The following ANK3 variants were observed in gnomAD, a reference collection of about 807,000 sequenced individuals.
ANK3 encodes ankyrin-3.
A neutral mutation model predicts 370.9 loss-of-function variants in ANK3; 57 were observed. The observed-to-expected ratio is 0.15, with a 90% CI of 0.12 to 0.19. The LOEUF (loss-of-function observed/expected upper bound fraction) is 0.19. Among genes scored for constraint, ANK3 ranks in the 10% least tolerant of loss-of-function variants. The pLI is 1.00. For synonymous variants in ANK3, 1,929 were observed against 1,946.3 expected (o/e 0.99, Z 0.23); for missense variants, 4,439 against 5,302.1 (o/e 0.84, Z 5.06).
In ANK3 at chr10:60,346,937, T is replaced by C. The variant is rs147212089; in HGVS notation, c.114+42488A>G. Among the ~76,000 whole-genome samples, 42 of 127,472 alleles carry C rather than the reference T, an allele frequency of 3.3e-4. No individual in the cohort carries two copies. In the East Asian group the frequency reaches 6.8e-3, roughly 21 times the overall value. 83.6% of individuals were successfully genotyped at this position (127,472 alleles called of 152,430 possible). ...TAGGCCCTGATATTCTATCTTTTAT[T>C]GTTTCCTAATGATTTCATACATAAG... is the stretch of plus-strand genomic sequence containing the variant. On this transcript the variant is annotated intron_variant, in intron 1 of 43. Coordinates refer to ENST00000280772, the MANE Select transcript of ANK3 (RefSeq NM_020987.5).
chr10:60,695,308 T>G (rs1313515425), intron 1 of ANK3, among the ~76,000 whole-genome samples: 1 of 151,880 alleles, frequency 6.6e-6, no homozygotes, highest in African/African-American at 2.4e-5. Flanking sequence ...AATGGGAGAC[T>G]TTAACACCCC....
chr10:60,067,859 A>G lies in ANK3; in HGVS notation c.12319+76T>C, dbSNP rs1305258149. The G allele has an allele frequency of 1.2e-5, 14 of 1,177,314 alleles. No individual in the cohort carries two copies. The East Asian group carries it at 2.2e-4, about 18-fold the overall frequency. 72.9% of individuals were successfully genotyped at this position (1,177,314 alleles called of 1,614,324 possible). ...CTGCTTGTTTCTATTTTTAAAATAT[A>G]TATATTGAACTGCTTGTGAGTAAGA... On this transcript the variant is annotated intron_variant, in intron 38 of 43. Coordinates refer to ENST00000280772, the MANE Select transcript of ANK3 (RefSeq NM_020987.5).
chr10:60,591,083 G>T (rs2077903410), intron 2 of ANK3, among the ~76,000 whole-genome samples: 1 of 152,044 alleles, frequency 6.6e-6, no homozygotes, highest in African/African-American at 2.4e-5. Context: ...GTAGCAGCAG[G>T]TTATTCACAG....
In ANK3 at chr10:60,272,089, TTGTGTGTGTGTGTGTG is replaced by T. The variant is rs5785433; in HGVS notation, c.415-1876_415-1861del. On this transcript the variant is annotated intron_variant, in intron 4 of 43. Coordinates refer to ENST00000280772, the MANE Select transcript of ANK3 (RefSeq NM_020987.5). ...TGGAGTACTTGGAACACTGTGGGAT[TTGTGTGTGTGTGTGTG>T]TGTGTGTGTGTGTGTGTGTGTGCAT... Among the ~76,000 whole-genome samples the T allele has an allele frequency of 2.1e-5, 3 of 145,730 alleles. No individual in the cohort carries two copies. The Admixed American group carries it at 2.1e-4, about 10-fold the overall frequency.
At chr10:60,227,071 T>C (rs2097175227) in intron 8 of ANK3, among the ~76,000 whole-genome samples, 1 of 151,952 alleles carries the variant, frequency 6.6e-6, no homozygotes, top group East Asian at 1.9e-4. Context: ...TTCAGTATTT[T>C]AGTTCGTCTG....
intron 1 of ANK3, among the ~76,000 whole-genome samples, chr10:60,331,084 A>T (rs1418997364): frequency 7.0e-6 from 1 of 143,338 alleles, no homozygotes; most frequent in African/African-American, 2.5e-5. Context: ...ACACGGGCAC[A>T]GGGAGGGGAA....
intron 2 of ANK3, among the ~76,000 whole-genome samples, chr10:60,474,695 G>T (rs1047007680): frequency 2.0e-5 from 3 of 152,070 alleles, no homozygotes; most frequent in South Asian, 2.1e-4. Flanking sequence ...AGCATTTAGG[G>T]TGTTTTCCAG....
rs544073823 is a variant in ANK3 at position 60,386,147 on chromosome 10, C to T, written c.114+3278G>A. Among the ~76,000 whole-genome samples, 32 of 152,172 alleles carry T rather than the reference C, an allele frequency of 2.1e-4. No individual in the cohort carries two copies. The Middle Eastern group carries it at 0.014, about 65-fold the overall frequency. ...ATAAACAGCTCTTCTCAGCTACTTG[C>T]TCAGTCAGGGCAGGGATCTAGTAAT... On this transcript the variant is annotated intron_variant, in intron 1 of 43. Transcript: ENST00000280772.
chr10:60,523,360 A>G (rs1312308744), intron 2 of ANK3, among the ~76,000 whole-genome samples: 1 of 151,220 alleles, frequency 6.6e-6, no homozygotes, highest in Non-Finnish European at 1.5e-5. Flanking sequence ...ATTTAGCATT[A>G]GGTGTATCTC....
At chr10:60,391,119 A>C (rs1321011474), upstream of ANK3, among the ~76,000 whole-genome samples, 1 of 152,234 alleles carries the variant, frequency 6.6e-6, no homozygotes, top group Non-Finnish European at 1.5e-5. Context: ...AGCAGTGATA[A>C]AAATGGGAAG....
At chr10:60,711,919 T>G (rs1359698070) in intron 1 of ANK3, among the ~76,000 whole-genome samples, 1 of 152,288 alleles carries the variant, frequency 6.6e-6, no homozygotes, top group South Asian at 2.1e-4. Context: ...AACAGTGGCA[T>G]GAAATATTTA....
At chr10:60,390,729 AACACACACACACAC>A (rs572520321), upstream of ANK3, among the ~76,000 whole-genome samples, 1 of 107,014 alleles carries the variant, frequency 9.3e-6, no homozygotes, top group Non-Finnish European at 1.9e-5. Context: ...TAAAAAAAAG[AACACACACACACAC>A]ACACACACAC....
intron 2 of ANK3, among the ~76,000 whole-genome samples, chr10:60,477,567 G>C (rs2075104991): frequency 7.0e-6 from 1 of 143,738 alleles, no homozygotes; most frequent in South Asian, 2.2e-4. Context: ...ACACCAGGTA[G>C]CATGAAGAAT....
chr10:60,124,403 T>C (rs1387403083), intron 25 of ANK3, among the ~76,000 whole-genome samples: 1 of 152,158 alleles, frequency 6.6e-6, no homozygotes, highest in Non-Finnish European at 1.5e-5. Flanking sequence ...CTCGAACTCC[T>C]GGCTTAACTG....
chr10:60,337,134 T>C (rs1411479569), intron 1 of ANK3, among the ~76,000 whole-genome samples: 1 of 152,158 alleles, frequency 6.6e-6, no homozygotes, highest in Non-Finnish European at 1.5e-5. Context: ...CACTAACAGA[T>C]GGTTTAATTA....
intron 30 of ANK3, chr10:60,086,401 T>C (rs766503885): frequency 3.1e-5 from 9 of 290,470 alleles, no homozygotes; most frequent in Non-Finnish European, 5.6e-5. Flanking sequence ...GTAGATTCAA[T>C]GATACTTCTA....
intron 1 of ANK3, among the ~76,000 whole-genome samples, chr10:60,380,780 C>T (rs569476345): frequency 6.6e-6 from 1 of 152,168 alleles, no homozygotes; most frequent in Admixed American, 6.6e-5. Context: ...AGACTCACTT[C>T]TTCTGTTTTG....
chr10:60,383,243 C>T (rs2061790309), intron 1 of ANK3, among the ~76,000 whole-genome samples: 2 of 152,156 alleles, frequency 1.3e-5, no homozygotes, highest in South Asian at 4.1e-4. Context: ...TTCTTCTGTT[C>T]ATTTGTCTGT....
chr10:60,363,030 G>A (rs2058849339), intron 1 of ANK3, among the ~76,000 whole-genome samples: 1 of 128,938 alleles, frequency 7.8e-6, no homozygotes, highest in Non-Finnish European at 1.6e-5. Context: ...CAGCAGAAAT[G>A]CCAACTACTT....
Sources: gnomAD v4.1 joint callset for allele counts (sites outside exome capture counted in the v4.1 genomes callset) on GRCh38, gnomAD v4.1.1 for gene constraint, MANE v1.5 for transcripts, NCBI Gene and HGNC (gene_info 2026-07-23, HGNC 2026-07-21) for gene names.